Variants in OFD1 observed in about 807,000 individuals in gnomAD.
The protein encoded by OFD1 is OFD1 centriole and centriolar satellite protein.
In OFD1, 12 loss-of-function variants were observed where a neutral mutation model predicts 81.4. That is an observed-to-expected ratio of 0.15 (90% CI 0.09 to 0.24). The LOEUF (loss-of-function observed/expected upper bound fraction) is 0.24. Among genes scored for constraint, OFD1 ranks in the 10% least tolerant of loss-of-function variants. OFD1 has a pLI of 1.00. For synonymous variants in OFD1, 256 were observed against 263.7 expected, an observed-to-expected ratio of 0.97 and a Z score of 0.28; for missense variants, 685 against 733.9, an observed-to-expected ratio of 0.93 and a Z score of 0.77.
chrX:13,746,984 A>G (rs1569123527), intron 8 of OFD1, 31 bp downstream of exon 8: 3 of 1,167,195 alleles, frequency 2.6e-6, no homozygotes, highest in Non-Finnish European at 3.5e-6. Context: ...ATGGGTGGCT[A>G]TTTCCTGCAG....
chrX:13,753,215 A>G (rs959937374), intron 10 of OFD1, 153 bp from the exon 11 acceptor site: 1 of 1,102,997 alleles, frequency 9.1e-7, no homozygotes, highest in African/African-American at 1.8e-5. Context: ...CAGGGGTTAT[A>G]TCCCTGGCTT....
At chrX:13,749,944 GACTTGT>G (rs2047441077) in intron 9 of OFD1, among the ~76,000 whole-genome samples, 1 of 112,466 alleles carries the variant, frequency 8.9e-6, no homozygotes, top group Non-Finnish European at 1.9e-5. Flanking sequence ...GGTCCAACTT[GACTTGT>G]ACTTGGTGAA....
chrX:13,770,287 A>G (rs1338792232), downstream of OFD1, among the ~76,000 whole-genome samples: 1 of 112,111 alleles, frequency 8.9e-6, no homozygotes, highest in Non-Finnish European at 1.9e-5. Flanking sequence ...AGTGTGACAA[A>G]TAGCACACTA....
At chrX:13,747,330 T>G in intron 8 of OFD1, among the ~76,000 whole-genome samples, 1 of 111,604 alleles carries the variant, frequency 9.0e-6, no homozygotes, top group East Asian at 2.8e-4. Context: ...ACTGATCACC[T>G]GTATTGAGGG....
chrX:13,761,318 G>C (rs1049768345), intron 17 of OFD1, 107 bp downstream of exon 17: 4 of 848,326 alleles, frequency 4.7e-6, no homozygotes, highest in Non-Finnish European at 5.1e-6. Context: ...AATTATTATA[G>C]ATCATGTGGC....
At chrX:13,751,136 G>A in intron 9 of OFD1, 113 bp from the exon 10 acceptor site, 1 of 676,721 alleles carries the variant, frequency 1.5e-6, no homozygotes, top group Non-Finnish European at 2.3e-6. Flanking sequence ...CTTCCCAGTA[G>A]TGATATCATG....
At chrX:13,734,629 G>A (rs2046773270), upstream of OFD1, 5 of 843,307 alleles carry the variant, frequency 5.9e-6, no homozygotes, top group Non-Finnish European at 7.3e-6. Flanking sequence ...GCGATACCCT[G>A]GGATGTGCTC....
At chrX:13,730,191 C>T (rs1225060084), upstream of OFD1, among the ~76,000 whole-genome samples, 2 of 110,053 alleles carry the variant, frequency 1.8e-5, no homozygotes, top group Non-Finnish European at 3.8e-5. Context: ...GGGCTAATAT[C>T]CAGAATCTAC....
intron 1 of OFD1, 52 bp downstream of exon 1, chrX:13,735,135 G>A (rs1190974868): frequency 2.5e-6 from 3 of 1,208,401 alleles, no homozygotes; most frequent in African/African-American, 3.5e-5. Flanking sequence ...TTTTGTGTTC[G>A]TTAAACTTTC....
chrX:13,748,704 C>T (rs754638393), intron 8 of OFD1, among the ~76,000 whole-genome samples: 1 of 111,750 alleles, frequency 8.9e-6, no homozygotes, highest in African/African-American at 3.2e-5. Flanking sequence ...GTCAGAATGA[C>T]CCGTGAACTG....
chrX:13,724,808 C>G, the OFD1 span, among the ~76,000 whole-genome samples: 5 of 112,696 alleles, frequency 4.4e-5, no homozygotes, highest in South Asian at 7.3e-4. Flanking sequence ...TCGCCTCACC[C>G]AGAAAGTGCA....
chrX:13,753,229 T>C, intron 10 of OFD1, 139 bp from the exon 11 acceptor site: 1 of 1,131,510 alleles, frequency 8.8e-7, no homozygotes, highest in Non-Finnish European at 1.2e-6. Flanking sequence ...CTGGCTTTAG[T>C]ATTGAGGACT....
intron 10 of OFD1, chrX:13,753,111 A>G (rs1602862046): frequency 1.0e-6 from 1 of 982,796 alleles, no homozygotes; most frequent in East Asian, 4.6e-5. Flanking sequence ...TTCAGTAAGT[A>G]ACCTTATGAT....
rs2046790178 is a variant in OFD1 at position 13,734,865 on chromosome X, A to G, written c.-207A>G. On this transcript the variant is annotated 5_prime_UTR_variant, in exon 1 of 23. Coordinates refer to ENST00000340096, the MANE Select transcript of OFD1 (RefSeq NM_003611.3). ...GCCCTTGCCTCAGAACCGCGAAGAA[A>G]GGAAGCTCGCGTGTTTGCTAGAAAA... is the stretch of plus-strand genomic sequence containing the variant. 2.8e-6 allele frequency: 3 copies of G among 1,084,723 alleles called. No individual in the cohort carries two copies. Among genetic ancestry groups the G allele is most frequent in the Non-Finnish European group, 3.6e-6 (3 of 840,630 alleles). The allele number at this position is 1,084,723 out of a possible 1,213,427, so 89.4% of individuals were successfully genotyped here. A position where few individuals can be genotyped will look rare whatever the true frequency, so the allele number is the denominator to read the frequency against.
At chrX:13,733,428 G>A (rs2046724941), upstream of OFD1, among the ~76,000 whole-genome samples, 1 of 111,436 alleles carries the variant, frequency 9.0e-6, no homozygotes, top group Non-Finnish European at 1.9e-5. Context: ...TTCATGCCTG[G>A]AATGTTCTCC....
intron 5 of OFD1, chrX:13,739,991 T>C (rs2047027771): frequency 5.5e-6 from 5 of 907,679 alleles, no homozygotes; most frequent in Non-Finnish European, 6.9e-6. Context: ...TTTTGTCTGT[T>C]GCCTGCACTA....
chrX:13,745,311 AAG>A (rs2146963138), intron 6 of OFD1, among the ~76,000 whole-genome samples: 1 of 112,772 alleles, frequency 8.9e-6, no homozygotes, highest in Non-Finnish European at 1.9e-5. Flanking sequence ...ACGTTGAAAA[AAG>A]TAAAAAGAAA....
chrX:13,756,656 A>G lies in OFD1; in HGVS notation c.1300A>G (p.Met434Val), dbSNP rs1191893961. Reference protein sequence around the residue: ...NHMLNEKVKEMSDYSLLKEEK... With the variant: ...NHMLNEKVKEVSDYSLLKEEK... ...TATGCTGAATGAAAAGGTTAAAGAG[A>G]TGAGTGATTATTCACTACTAAAAGA... Residue 434 changes from methionine to valine, a missense_variant, in exon 13 of 23, where the codon ATG (methionine) becomes GTG (valine). This residue lies in a region of OFD1 where 414 missense variants were observed against 447.2 expected (regional missense o/e 0.93). Transcript: ENST00000340096. 2.5e-6 allele frequency: 3 copies of G among 1,201,790 alleles called. No individual in the cohort carries two copies. Among genetic ancestry groups the G allele is most frequent in the Middle Eastern group, 2.3e-4 (1 of 4,275 alleles).
upstream of OFD1, chrX:13,734,073 CT>C (rs950578496): frequency 3.9e-6 from 2 of 513,044 alleles, no homozygotes; most frequent in Non-Finnish European, 7.0e-6. Context: ...ATGGTTGGTA[CT>C]CTAAAACGTT....
Sources: gnomAD v4.1 joint callset for allele counts (sites outside exome capture counted in the v4.1 genomes callset) on GRCh38, gnomAD v4.1.1 for gene constraint, gnomAD v4.1.1 regional missense constraint, MANE v1.5 for transcripts, NCBI Gene and HGNC (gene_info 2026-07-23, HGNC 2026-07-21) for gene names.